RBFOX1: variants seen among roughly 807,000 people sequenced by gnomAD.
RBFOX1 encodes the protein RNA binding protein fox-1 homolog 1.
A neutral mutation model predicts 57.7 loss-of-function variants in RBFOX1; 8 were observed. The ratio of observed to expected loss-of-function variants is 0.14; its 90% CI spans 0.08 to 0.25. The LOEUF (loss-of-function observed/expected upper bound fraction) is 0.25, where lower values mean the gene tolerates loss of function less well. Among genes scored for constraint, RBFOX1 ranks in the 10% least tolerant of loss-of-function variants. RBFOX1 has a pLI of 1.00. For synonymous variants in RBFOX1, 326 were observed against 222.4 expected, an observed-to-expected ratio of 1.47 and a Z score of -4.15; for missense variants, 611 against 548.5, an observed-to-expected ratio of 1.11 and a Z score of -1.14.
intron 2 of RBFOX1, among the ~76,000 whole-genome samples, chr16:6,572,702 C>G (rs1252927251): frequency 6.6e-6 from 1 of 152,086 alleles, no homozygotes; most frequent in Non-Finnish European, 1.5e-5. Flanking sequence ...AAGCGATTCT[C>G]TTGCCTCAGC....
rs141034532 is a variant in RBFOX1 at position 6,340,447 on chromosome 16, G to A, written c.-64+23390G>A. ...TAGGAAAGTGAAGGAATAAAGGAAT[G>A]GCTACCTCATAGGCAGAGCAGCAAC... On this transcript the variant is annotated intron_variant, in intron 2 of 15. Coordinates refer to ENST00000550418, the MANE Select transcript of RBFOX1 (RefSeq NM_018723.4). Among the ~76,000 whole-genome samples the A allele has an allele frequency of 9.4e-3, 1,430 of 152,298 alleles. 17 individuals carry two copies. Among genetic ancestry groups the A allele is most frequent in the African/African-American group, 0.033 (1,362 of 41,552 alleles).
intron 2 of RBFOX1, among the ~76,000 whole-genome samples, chr16:5,534,363 C>G (rs2044609880): frequency 6.6e-6 from 1 of 152,178 alleles, no homozygotes; most frequent in Non-Finnish European, 1.5e-5. Flanking sequence ...CAATAGCTGT[C>G]TTCAAGCTGT....
At chr16:7,467,890 G>T (rs901467398) in intron 4 of RBFOX1, among the ~76,000 whole-genome samples, 4 of 152,208 alleles carry the variant, frequency 2.6e-5, no homozygotes, top group Admixed American at 6.5e-5. Flanking sequence ...TTCAGCCCAA[G>T]AACTCTGGTC....
chr16:5,413,933 C>T (rs2067091611), intron 1 of RBFOX1, among the ~76,000 whole-genome samples: 1 of 152,106 alleles, frequency 6.6e-6, no homozygotes, highest in Non-Finnish European at 1.5e-5. Context: ...ACTCTAGGCG[C>T]CTTACGGAAT....
At chr16:7,650,959 C>T (rs1197300064) in intron 11 of RBFOX1, among the ~76,000 whole-genome samples, 4 of 152,124 alleles carry the variant, frequency 2.6e-5, no homozygotes, top group Non-Finnish European at 5.9e-5. Flanking sequence ...AGACCCCACA[C>T]GTCTCTGCGG....
chr16:5,708,540 T>G (rs990408785), intron 3 of RBFOX1, among the ~76,000 whole-genome samples: 2 of 152,204 alleles, frequency 1.3e-5, no homozygotes, highest in Non-Finnish European at 2.9e-5. Flanking sequence ...CGTATGTCAT[T>G]TTTATGAAAA....
intron 3 of RBFOX1, among the ~76,000 whole-genome samples, chr16:6,903,567 C>G (rs891847183): frequency 1.3e-5 from 2 of 152,090 alleles, no homozygotes; most frequent in African/African-American, 4.8e-5. Flanking sequence ...CAGAAAGGTG[C>G]CCCGCAATCA....
intron 9 of RBFOX1, among the ~76,000 whole-genome samples, chr16:7,602,297 C>T (rs1430588713): frequency 2.6e-5 from 4 of 152,118 alleles, no homozygotes; most frequent in Non-Finnish European, 5.9e-5. Flanking sequence ...GTCCTGGCCA[C>T]GGAGGGGTCT....
intron 1 of RBFOX1, among the ~76,000 whole-genome samples, chr16:6,278,452 A>G (rs1423139566): frequency 6.7e-6 from 1 of 149,848 alleles, no homozygotes. Flanking sequence ...TAATCGCATG[A>G]AGCATAAATC....
At chr16:6,620,931 A>T (rs1376439768) in intron 2 of RBFOX1, among the ~76,000 whole-genome samples, 1 of 152,188 alleles carries the variant, frequency 6.6e-6, no homozygotes, top group Non-Finnish European at 1.5e-5. Context: ...TAAAACAACA[A>T]AATTTTATTC....
intron 2 of RBFOX1, among the ~76,000 whole-genome samples, chr16:5,595,809 C>T (rs7187482): frequency 0.45 from 69,069 of 152,016 alleles, 16,286 homozygotes; most frequent in East Asian, 0.65. Context: ...GGATTGGGCA[C>T]AGAGCTTGCT....
chr16:5,315,995 G>T (rs1031004247), intron 1 of RBFOX1, among the ~76,000 whole-genome samples: 1 of 152,104 alleles, frequency 6.6e-6, no homozygotes, highest in Non-Finnish European at 1.5e-5. Flanking sequence ...TCCACCTACA[G>T]TAGGTCTCCT....
chr16:6,900,985 A>G (rs566089350), intron 3 of RBFOX1, among the ~76,000 whole-genome samples: 6 of 152,204 alleles, frequency 3.9e-5, no homozygotes, highest in Non-Finnish European at 7.3e-5. Flanking sequence ...CATAACGTTC[A>G]TTAGAACTAG....
rs117185705 is a variant in RBFOX1, at chr16:5,767,622, A to G, written c.319-99681A>G. On this transcript the variant is annotated intron_variant, in intron 3 of 19. Transcript: ENST00000641259. The stretch of plus-strand genomic sequence containing the variant: ...TTGTCACACGCCTTCCAAGGACACA[A>G]CGGGATTTGCCAGGACATTCTTGAT... Among the ~76,000 whole-genome samples the G allele has an allele frequency of 2.1e-3, 313 of 152,258 alleles. 15 individuals are homozygous for G. The East Asian group carries it at 0.057, about 28-fold the overall frequency.
chr16:5,869,548 C>T (rs576605253), intron 4 of RBFOX1, among the ~76,000 whole-genome samples: 213 of 152,126 alleles, frequency 1.4e-3, no homozygotes, highest in African/African-American at 4.8e-3. Context: ...AGTACAGGTG[C>T]GTGCCACCAT....
chr16:5,661,843 T>C (rs1785725611), intron 3 of RBFOX1, among the ~76,000 whole-genome samples: 1 of 152,118 alleles, frequency 6.6e-6, no homozygotes, highest in African/African-American at 2.4e-5. Flanking sequence ...TGGGGTGCAA[T>C]GGTGAGATCT....
At chr16:6,327,533 G>T (rs1042181508) in intron 2 of RBFOX1, among the ~76,000 whole-genome samples, 3 of 151,994 alleles carry the variant, frequency 2.0e-5, no homozygotes, top group Non-Finnish European at 4.4e-5. Context: ...TCTGCTCTTA[G>T]CTGCCTATTG....
intron 4 of RBFOX1, among the ~76,000 whole-genome samples, chr16:7,474,627 C>T (rs1397308686): frequency 6.6e-5 from 10 of 152,178 alleles, no homozygotes; most frequent in Admixed American, 6.5e-4. Flanking sequence ...TATTAAGGAG[C>T]CTGGCTCTAA....
intron 2 of RBFOX1, chr16:5,598,766 T>A (rs1400809445): frequency 1.5e-6 from 1 of 668,092 alleles, no homozygotes; most frequent in Non-Finnish European, 2.5e-6. Context: ...AGGGGATGGG[T>A]GGAGAGACAG....
Sources: allele counts gnomAD v4.1 joint callset (sites outside exome capture counted in the v4.1 genomes callset), GRCh38; gene constraint gnomAD v4.1.1; transcripts MANE v1.5; gene names NCBI Gene and HGNC (gene_info 2026-07-23, HGNC 2026-07-21).